The following FSTL4 variants were observed in gnomAD, a reference collection of about 807,000 sequenced individuals.
The protein encoded by FSTL4 is follistatin-related protein 4.
In FSTL4, 28 loss-of-function variants were observed where a neutral mutation model predicts 78.2. The ratio of observed to expected loss-of-function variants is 0.36; its 90% confidence interval spans 0.27 to 0.49. The LOEUF is 0.49. Ranked by LOEUF, FSTL4 falls within the 20% of genes least tolerant of loss-of-function variation. The pLI is 0.98. For missense variants in FSTL4, 922 were observed against 1,084.9 expected (o/e 0.85, Z 2.11); for synonymous variants, 422 against 440.5 (o/e 0.96, Z 0.53).
intron 3 of FSTL4, among the ~76,000 whole-genome samples, chr5:133,455,240 C>T (rs1757464501): frequency 6.6e-6 from 1 of 152,178 alleles, no homozygotes; most frequent in Non-Finnish European, 1.5e-5. Flanking sequence ...ACCCAGGCTC[C>T]TCTTCTTGGT....
intron 3 of FSTL4, among the ~76,000 whole-genome samples, chr5:133,430,306 GCCCT>G (rs1580703719): frequency 6.6e-6 from 1 of 152,226 alleles, no homozygotes; most frequent in East Asian, 1.9e-4. Flanking sequence ...AGTTTGAGTG[GCCCT>G]GTGGGGTAGG....
At chr5:133,747,466 G>A in the FSTL4 span, among the ~76,000 whole-genome samples, 1 of 152,010 alleles carries the variant, frequency 6.6e-6, no homozygotes, top group Non-Finnish European at 1.5e-5. Context: ...ACTGTTAGTA[G>A]CAACCTCTCA....
At chr5:133,722,822 T>C in the FSTL4 span, among the ~76,000 whole-genome samples, 1 of 152,134 alleles carries the variant, frequency 6.6e-6, no homozygotes, top group East Asian at 1.9e-4. Context: ...TCATTTCATG[T>C]GGGTGAAGGG....
chr5:133,437,489 T>TTTG (rs1554114495), intron 3 of FSTL4, among the ~76,000 whole-genome samples: 1 of 141,086 alleles, frequency 7.1e-6, no homozygotes, highest in African/African-American at 2.8e-5. Flanking sequence ...ATAGGTGTTT[T>TTTG]TTTTTTTTTT....
At chr5:133,754,651 C>G in the FSTL4 span, among the ~76,000 whole-genome samples, 1 of 152,156 alleles carries the variant, frequency 6.6e-6, no homozygotes, top group Non-Finnish European at 1.5e-5. Flanking sequence ...AGAAAACCCA[C>G]TATGTCTGCA....
chr5:133,417,164 C>T (rs1756593730), intron 3 of FSTL4, among the ~76,000 whole-genome samples: 1 of 152,100 alleles, frequency 6.6e-6, no homozygotes, highest in African/African-American at 2.4e-5. Context: ...ATGTCTAAGT[C>T]AATCATATTC....
chr5:133,685,077 G>A, the FSTL4 span, among the ~76,000 whole-genome samples: 1 of 152,200 alleles, frequency 6.6e-6, no homozygotes, highest in Non-Finnish European at 1.5e-5. Context: ...GGCCTGTCCA[G>A]CCTTGGCAGG....
At chr5:133,481,959 T>C (rs971911222) in intron 3 of FSTL4, among the ~76,000 whole-genome samples, 3 of 152,202 alleles carry the variant, frequency 2.0e-5, no homozygotes, top group African/African-American at 7.2e-5. Flanking sequence ...TTGGGGAATT[T>C]ATCTTGAGAA....
chr5:133,635,766 AAAACAAAC>A, the FSTL4 span, among the ~76,000 whole-genome samples: 13 of 152,046 alleles, frequency 8.6e-5, no homozygotes, highest in African/African-American at 2.9e-4. Context: ...CCATCTCCAA[AAAACAAAC>A]AAACAAACAA....
the FSTL4 span, among the ~76,000 whole-genome samples, chr5:133,829,029 C>G: frequency 6.6e-6 from 1 of 152,164 alleles, no homozygotes; most frequent in Non-Finnish European, 1.5e-5. Flanking sequence ...TGCTTCTCAT[C>G]TGGGACCTCC....
chr5:133,647,549 T>G, the FSTL4 span, among the ~76,000 whole-genome samples: 1 of 152,186 alleles, frequency 6.6e-6, no homozygotes, highest in East Asian at 1.9e-4. Flanking sequence ...GGAAGTCATC[T>G]GAAGAATAAT....
the FSTL4 span, among the ~76,000 whole-genome samples, chr5:133,709,175 CG>C: frequency 6.6e-6 from 1 of 152,192 alleles, no homozygotes; most frequent in Non-Finnish European, 1.5e-5. Context: ...AGACCACCCC[CG>C]GGTCATATCC....
At chr5:133,326,258 T>C (rs57094743) in intron 4 of FSTL4, among the ~76,000 whole-genome samples, 13,271 of 152,260 alleles carry the variant, frequency 0.087, 1,815 homozygotes, top group African/African-American at 0.29. Context: ...CTTTAAGATA[T>C]ATTTTAGCTA....
chr5:133,605,207 T>A (rs547257691), intron 1 of FSTL4, among the ~76,000 whole-genome samples: 22 of 152,180 alleles, frequency 1.4e-4, no homozygotes, highest in Non-Finnish European at 2.5e-4. Context: ...GAACCCCTAC[T>A]CAAGGAAACT....
chr5:133,596,766 T>C (rs1053538303), intron 2 of FSTL4, among the ~76,000 whole-genome samples: 3 of 152,128 alleles, frequency 2.0e-5, no homozygotes, highest in Admixed American at 6.5e-5. Flanking sequence ...CTGTGCAAGA[T>C]CAAACTGAAA....
At chr5:133,575,039 G>A (rs1399882351) in intron 2 of FSTL4, 1 of 152,046 alleles carries the variant, frequency 6.6e-6, no homozygotes, top group Non-Finnish European at 1.5e-5. Context: ...CTCAGAATAT[G>A]TGTCTTTACT....
intron 3 of FSTL4, among the ~76,000 whole-genome samples, chr5:133,414,265 C>T (rs2126982095): frequency 6.6e-6 from 1 of 152,314 alleles, no homozygotes; most frequent in African/African-American, 2.4e-5. Flanking sequence ...TTCTCTCTGT[C>T]TACTCAGTGC....
At chr5:133,427,672 G>A (rs1445059158) in intron 3 of FSTL4, 1 of 525,494 alleles carries the variant, frequency 1.9e-6, no homozygotes, top group African/African-American at 1.9e-5. Context: ...TCTGAGGCAG[G>A]GTCTAGGAAT....
chr5:133,358,074 T>G (rs1309615080), intron 4 of FSTL4, among the ~76,000 whole-genome samples: 1 of 152,202 alleles, frequency 6.6e-6, no homozygotes, highest in Non-Finnish European at 1.5e-5. Context: ...AGCTTGTCCT[T>G]GTCTGCTGTA....
Sources: allele counts gnomAD v4.1 joint callset (sites outside exome capture counted in the v4.1 genomes callset), GRCh38; gene constraint gnomAD v4.1.1; transcripts MANE v1.5; gene names NCBI Gene and HGNC (gene_info 2026-07-23, HGNC 2026-07-21).